ELAPOR2: variants seen among roughly 807,000 people sequenced by gnomAD.
ELAPOR2 encodes the protein endosome-lysosome associated apoptosis and autophagy regulator family member 2, also known as endosome/lysosome-associated apoptosis and autophagy regulator family member 2.
A neutral mutation model predicts 120.7 loss-of-function variants in ELAPOR2; 89 were observed. That is an observed-to-expected ratio of 0.74 (90% CI 0.62 to 0.88). ELAPOR2 has a LOEUF of 0.88. ELAPOR2 is among the 40% of genes least tolerant of loss of function. The pLI, the probability that ELAPOR2 is intolerant of heterozygous loss-of-function variation, is 0.00. For synonymous variants in ELAPOR2, 444 were observed against 444.9 expected (o/e 1.00, Z 0.03); for missense variants, 1,134 against 1,251.6 (o/e 0.91, Z 1.42).
intron 1 of ELAPOR2, among the ~76,000 whole-genome samples, chr7:87,026,167 G>A (rs1348153424): frequency 6.6e-6 from 1 of 152,084 alleles, no homozygotes; most frequent in Non-Finnish European, 1.5e-5. Context: ...TGGAAGAGTT[G>A]TGATTTCATG....
intron 1 of ELAPOR2, among the ~76,000 whole-genome samples, chr7:87,019,127 G>A (rs193171358): frequency 6.6e-6 from 1 of 152,070 alleles, no homozygotes; most frequent in South Asian, 2.1e-4. Context: ...ATTTCTAACA[G>A]ATTGTCAAGA....
chr7:86,964,275 A>G (rs1478009015), intron 2 of ELAPOR2, among the ~76,000 whole-genome samples: 5 of 152,316 alleles, frequency 3.3e-5, no homozygotes, highest in South Asian at 2.1e-4. Flanking sequence ...TTTAAAAAGT[A>G]AAGTTTTAAG....
chr7:86,956,779 C>T (rs1791488560), intron 2 of ELAPOR2, among the ~76,000 whole-genome samples: 1 of 152,012 alleles, frequency 6.6e-6, no homozygotes, highest in African/African-American at 2.4e-5. Context: ...TGACACAAGG[C>T]TTACAGAAAA....
intron 19 of ELAPOR2, among the ~76,000 whole-genome samples, chr7:86,894,326 C>T (rs937911038): frequency 6.6e-6 from 1 of 151,932 alleles, no homozygotes; most frequent in Non-Finnish European, 1.5e-5. Flanking sequence ...GTGGGAAATG[C>T]TGAGGCATGT....
chr7:86,905,145 GAAAGA>G (rs1433327241), intron 18 of ELAPOR2, among the ~76,000 whole-genome samples: 23 of 134,186 alleles, frequency 1.7e-4, no homozygotes, highest in Non-Finnish European at 3.2e-4. Flanking sequence ...GAAAAGAAAA[GAAAGA>G]AGAGAGAAAG....
chr7:87,051,635 T>C (rs1426372564), intron 1 of ELAPOR2, among the ~76,000 whole-genome samples: 1 of 152,208 alleles, frequency 6.6e-6, no homozygotes, highest in Non-Finnish European at 1.5e-5. Flanking sequence ...GAAGGTCACA[T>C]AAACCAGTGG....
intron 10 of ELAPOR2, among the ~76,000 whole-genome samples, chr7:86,923,148 T>C (rs979054017): frequency 6.6e-6 from 1 of 151,930 alleles, no homozygotes; most frequent in Admixed American, 6.6e-5. Flanking sequence ...CTATGAAAAA[T>C]ATTACCCCTT....
At position 86,913,049 on chromosome 7, in the gene ELAPOR2, T is replaced by C. The variant is rs1175654238; in HGVS notation, c.1887A>G (p.Lys629=). Residue 629 remains lysine, a synonymous_variant, in exon 14 of 22, where the codon AAA becomes AAG. Transcript: ENST00000450689. The part of the protein sequence containing the change: ...VPCPPGHYIE[K]ETNQCKECPP... ...GACATTCCTTGCACTGGTTGGTTTC[T>C]TTCTCAATGTAGTGGCCTGGAGGGC... 6.2e-7 allele frequency: 1 copy of C among 1,614,118 alleles called. No homozygotes were observed. Among genetic ancestry groups the C allele is most frequent in the Admixed American group, 1.7e-5 (1 of 60,008 alleles).
intron 1 of ELAPOR2, among the ~76,000 whole-genome samples, chr7:87,000,918 A>ACTTTT (rs10624305): frequency 0.39 from 58,426 of 151,622 alleles, 12,238 homozygotes; most frequent in African/African-American, 0.56. Context: ...TGACCTGGGA[A>ACTTTT]CTTTACTTCT....
At chr7:86,942,648 A>G (rs1790846948) in intron 4 of ELAPOR2, among the ~76,000 whole-genome samples, 1 of 152,104 alleles carries the variant, frequency 6.6e-6, no homozygotes, top group Non-Finnish European at 1.5e-5. Context: ...TTGGGGGTAA[A>G]TGGTAATCAT....
chr7:87,013,541 T>G (rs1325668369), intron 1 of ELAPOR2, among the ~76,000 whole-genome samples: 1 of 152,012 alleles, frequency 6.6e-6, no homozygotes. Context: ...GTTGCCACAT[T>G]GAGAAGTACC....
chr7:86,890,299 C>G (rs527620365), intron 21 of ELAPOR2, among the ~76,000 whole-genome samples: 3 of 151,820 alleles, frequency 2.0e-5, no homozygotes, highest in African/African-American at 7.3e-5. Context: ...TGTCTCCTTC[C>G]TGAGCAAAGG....
At chr7:87,040,103 C>G (rs1223495648) in intron 1 of ELAPOR2, among the ~76,000 whole-genome samples, 2 of 152,296 alleles carry the variant, frequency 1.3e-5, no homozygotes, top group Non-Finnish European at 1.5e-5. Flanking sequence ...TATCCCGCAC[C>G]TGGCTCGGAG....
intron 1 of ELAPOR2, among the ~76,000 whole-genome samples, chr7:87,050,431 C>A (rs908515756): frequency 6.6e-6 from 1 of 152,084 alleles, no homozygotes; most frequent in African/African-American, 2.4e-5. Flanking sequence ...CACTCTTGCT[C>A]CTGCTTTTAC....
chr7:86,907,811 A>G, intron 17 of ELAPOR2, 40 bp from the exon 18 acceptor site: 1 of 1,201,622 alleles, frequency 8.3e-7, no homozygotes. Flanking sequence ...AACAGATATA[A>G]TACAGATTAC....
At chr7:87,037,060 G>A (rs1385278192) in intron 1 of ELAPOR2, among the ~76,000 whole-genome samples, 1 of 151,946 alleles carries the variant, frequency 6.6e-6, no homozygotes, top group Non-Finnish European at 1.5e-5. Flanking sequence ...CTTCTCTACT[G>A]GCTGTACCTT....
At chr7:86,934,341 G>C (rs1382014250) in intron 8 of ELAPOR2, among the ~76,000 whole-genome samples, 1 of 152,024 alleles carries the variant, frequency 6.6e-6, no homozygotes, top group Non-Finnish European at 1.5e-5. Flanking sequence ...TATCTGGTGA[G>C]AGAATGCCTT....
At chr7:86,933,704 T>A (rs745894038) in intron 8 of ELAPOR2, among the ~76,000 whole-genome samples, 16 of 151,942 alleles carry the variant, frequency 1.1e-4, no homozygotes, top group Non-Finnish European at 1.6e-4. Flanking sequence ...ATTAGAGAAA[T>A]CCTATATTTT....
intron 10 of ELAPOR2, chr7:86,920,712 G>C (rs1323312811): frequency 6.6e-6 from 1 of 152,140 alleles, no homozygotes; most frequent in African/African-American, 2.4e-5. Flanking sequence ...CTGAGAAACA[G>C]AGTGTCTTGA....
Sources: gnomAD v4.1 joint callset for allele counts (sites outside exome capture counted in the v4.1 genomes callset) on GRCh38, gnomAD v4.1.1 for gene constraint, MANE v1.5 for transcripts, NCBI Gene and HGNC (gene_info 2026-07-23, HGNC 2026-07-21) for gene names.